The following BBS12 variants were observed in gnomAD, a reference collection of about 807,000 sequenced individuals.
The protein encoded by BBS12 is Bardet-Biedl syndrome 12.
Under a neutral mutation model 5.6 loss-of-function variants are expected in BBS12, and 5 were observed. The observed-to-expected ratio is 0.89, with a 90% CI of 0.46 to 1.86. The LOEUF (loss-of-function observed/expected upper bound fraction) is 1.86. BBS12 is among the 40% of genes most tolerant of loss of function. The pLI is 0.01. For synonymous variants in BBS12, 308 were observed against 306.8 expected, an observed-to-expected ratio of 1.00 and a Z score of -0.04; for missense variants, 748 against 830.4, an observed-to-expected ratio of 0.90 and a Z score of 1.22.
chr4:122,706,092 G>T, the BBS12 span, among the ~76,000 whole-genome samples: 99 of 152,152 alleles, frequency 6.5e-4, no homozygotes, highest in Admixed American at 1.4e-3. Flanking sequence ...GTATTGAAAG[G>T]CTGTGAGGAC....
At chr4:122,721,982 C>T in the BBS12 span, among the ~76,000 whole-genome samples, 1 of 152,106 alleles carries the variant, frequency 6.6e-6, no homozygotes, top group African/African-American at 2.4e-5. Context: ...ATCAAATTCT[C>T]TGACAACAAT....
chr4:122,740,266 AAAAAAT>A (rs763065020), intron 1 of BBS12, among the ~76,000 whole-genome samples: 15 of 152,228 alleles, frequency 9.9e-5, no homozygotes, highest in East Asian at 3.9e-4. Context: ...GACCCTGTCT[AAAAAAT>A]AAAAATAAAA....
chr4:122,712,659 C>T, the BBS12 span, among the ~76,000 whole-genome samples: 1 of 152,194 alleles, frequency 6.6e-6, no homozygotes, highest in Non-Finnish European at 1.5e-5. Context: ...ATTATTCAAT[C>T]ATATAAGACT....
At chr4:122,705,500 G>A in the BBS12 span, among the ~76,000 whole-genome samples, 4 of 152,324 alleles carry the variant, frequency 2.6e-5, no homozygotes, top group South Asian at 8.3e-4. Flanking sequence ...ATCTAGTTCA[G>A]TGAATAAGTG....
intron 1 of BBS12, among the ~76,000 whole-genome samples, chr4:122,735,285 A>C (rs1470885974): frequency 1.3e-5 from 2 of 152,242 alleles, no homozygotes; most frequent in Non-Finnish European, 2.9e-5. Flanking sequence ...GCTTAGTGAA[A>C]ATAAATATGT....
At chr4:122,716,329 A>C in the BBS12 span, among the ~76,000 whole-genome samples, 1 of 152,064 alleles carries the variant, frequency 6.6e-6, no homozygotes, top group Non-Finnish European at 1.5e-5. Context: ...ATAGTGAATA[A>C]AAAGCAAACA....
At chr4:122,715,915 A>G in the BBS12 span, among the ~76,000 whole-genome samples, 15 of 152,286 alleles carry the variant, frequency 9.8e-5, no homozygotes, top group East Asian at 2.5e-3. Context: ...CTTTTATACA[A>G]CTGTTATTAA....
chr4:122,742,845 G>A lies in BBS12; in HGVS notation c.953G>A (p.Cys318Tyr), dbSNP rs770676219. The change falls in exon 2 of 2, where the codon TGC becomes TAC. Residue 318 changes from cysteine (C) to tyrosine (Y), a missense_variant. By Grantham distance (194) the Cys-to-Tyr change is radical. Transcript: ENST00000314218. ...FMFDISRIFT[C>Y]CLPGLPETSS... ...TTTGACATTTCAAGAATTTTCACTT[G>A]CTGTCTACCAGGCTTACCTGAAACT... 6.2e-7 allele frequency: 1 copy of A among 1,614,176 alleles called. No individual in the cohort carries two copies. The highest frequency in any genetic ancestry group is 8.5e-7 in the Non-Finnish European group (1 of 1,180,030).
the BBS12 span, among the ~76,000 whole-genome samples, chr4:122,713,159 A>G: frequency 2.1e-4 from 32 of 152,180 alleles, no homozygotes; most frequent in Non-Finnish European, 3.8e-4. Context: ...TGTTATATAT[A>G]TGTGGCTATC....
the BBS12 span, among the ~76,000 whole-genome samples, chr4:122,723,647 A>G: frequency 1.3e-5 from 2 of 152,186 alleles, no homozygotes; most frequent in African/African-American, 4.8e-5. Context: ...TACTACCTGA[A>G]ACCTGGCAGG....
At position 122,743,024 on chromosome 4, in the gene BBS12, A is replaced by G. The variant is rs1406333050; in HGVS notation, c.1132A>G (p.Ile378Val). Residue 378 changes from isoleucine to valine, a missense_variant, in exon 2 of 2, where the codon ATT (isoleucine) becomes GTT (valine). Physicochemically the swap from Ile to Val is conservative, Grantham distance 29 (BLOSUM62 3). Coordinates refer to ENST00000314218, the MANE Select transcript of BBS12 (RefSeq NM_152618.3). Reference sequence around the variant, plus strand: ...CCTGGGATTTAATAAGTCTGCAAATATTAAAACAGTATTAGATAGCATGCG... The same window carrying G: ...CCTGGGATTTAATAAGTCTGCAAATGTTAAAACAGTATTAGATAGCATGCG... The part of the protein sequence containing the change: ...RHLGFNKSAN[I>V]KTVLDSMRLQ... 1 of 1,614,282 alleles carries G rather than the reference A, an allele frequency of 6.2e-7. No homozygotes were observed.
intron 1 of BBS12, among the ~76,000 whole-genome samples, chr4:122,738,788 AAC>A (rs1160938879): frequency 1.3e-5 from 2 of 152,370 alleles, no homozygotes; most frequent in African/African-American, 4.8e-5. Flanking sequence ...GCAAGTCAAA[AAC>A]ACAATGAAAT....
At position 122,743,272 on chromosome 4, in the gene BBS12, G is replaced by C. The variant is rs13135766; in HGVS notation, c.1380G>C (p.Val460=). The C allele has an allele frequency of 0.21, 334,567 of 1,614,036 alleles. 38,147 individuals carry two copies. Among genetic ancestry groups the C allele is most frequent in the Non-Finnish European group, 0.24 (280,257 of 1,179,926 alleles). ...TACAGGTGGCCTACATTACACAAGT[G>C]AATGAAGATTGTGTGGGCGACGGGG... The part of the protein sequence containing the change: ...GAVQVAYITQ[V]NEDCVGDGVC... The change falls in exon 2 of 2, where the codon GTG becomes GTC. Residue 460 remains valine, a synonymous_variant. Transcript: ENST00000314218.
At chr4:122,740,643 A>C (rs1488254351) in intron 1 of BBS12, among the ~76,000 whole-genome samples, 2 of 152,180 alleles carry the variant, frequency 1.3e-5, no homozygotes. Context: ...AGAAATACTC[A>C]CTAAATGCAT....
At chr4:122,701,262 GTAA>G in the BBS12 span, among the ~76,000 whole-genome samples, 1 of 152,126 alleles carries the variant, frequency 6.6e-6, no homozygotes, top group African/African-American at 2.4e-5. Context: ...AGGATTTCTG[GTAA>G]TAATAACACC....
upstream of BBS12, chr4:122,729,422 A>G (rs562270764): frequency 6.6e-6 from 1 of 152,362 alleles, no homozygotes; most frequent in Non-Finnish European, 1.5e-5. Flanking sequence ...AGAAATCACA[A>G]GAGTCACAGA....
At chr4:122,728,949 T>A (rs1292471632), upstream of BBS12, 1 of 152,266 alleles carries the variant, frequency 6.6e-6, no homozygotes, top group Non-Finnish European at 1.5e-5. Context: ...GTCCACTGCA[T>A]CTTGTTTCAA....
chr4:122,725,897 CAAAAA>C, the BBS12 span, among the ~76,000 whole-genome samples: 11 of 52,528 alleles, frequency 2.1e-4, no homozygotes, highest in African/African-American at 4.1e-4. Flanking sequence ...GACTCTGTCT[CAAAAA>C]AAAAAAAAAA....
At chr4:122,736,909 A>C (rs2150733272) in intron 1 of BBS12, among the ~76,000 whole-genome samples, 1 of 152,308 alleles carries the variant, frequency 6.6e-6, no homozygotes, top group African/African-American at 2.4e-5. Context: ...AATTTTTAAA[A>C]ATTACTAAAA....
Sources: gnomAD v4.1 joint callset for allele counts (sites outside exome capture counted in the v4.1 genomes callset) on GRCh38, gnomAD v4.1.1 for gene constraint, MANE v1.5 for transcripts, NCBI Gene and HGNC (gene_info 2026-07-23, HGNC 2026-07-21) for gene names.